PSMD14: variants seen among roughly 807,000 people sequenced by gnomAD.
PSMD14 encodes ubiquitin C-terminal hydrolase PSMD14.
PSMD14 carries 7 observed loss-of-function variants against 41.2 expected under a neutral mutation model. That is an observed-to-expected ratio of 0.17 (90% confidence interval 0.10 to 0.32). The LOEUF is 0.32. Among genes scored for constraint, PSMD14 ranks in the 10% least tolerant of loss-of-function variants. PSMD14 has a pLI of 1.00. For missense variants in PSMD14, 139 were observed against 375.6 expected, an observed-to-expected ratio of 0.37 and a Z score of 5.21; for synonymous variants, 114 against 122.3, an observed-to-expected ratio of 0.93 and a Z score of 0.45.
At chr2:161,369,407 C>A (rs1683402949) in intron 5 of PSMD14, among the ~76,000 whole-genome samples, 1 of 151,878 alleles carries the variant, frequency 6.6e-6, no homozygotes, top group Non-Finnish European at 1.5e-5. Flanking sequence ...AAGAAAAAAA[C>A]CGAAAACATT....
At chr2:161,365,699 T>C (rs1479732647) in intron 3 of PSMD14, among the ~76,000 whole-genome samples, 2 of 152,126 alleles carry the variant, frequency 1.3e-5, no homozygotes, top group African/African-American at 4.8e-5. Flanking sequence ...TAATTATATA[T>C]ATTGGTGGGG....
At chr2:161,345,686 C>G (rs530873389) in intron 3 of PSMD14, among the ~76,000 whole-genome samples, 1 of 151,768 alleles carries the variant, frequency 6.6e-6, no homozygotes, top group African/African-American at 2.4e-5. Flanking sequence ...TTCATGTGTC[C>G]GAAGGCCTGT....
chr2:161,346,069 CAG>C (rs1469931819), intron 3 of PSMD14, among the ~76,000 whole-genome samples: 3 of 151,878 alleles, frequency 2.0e-5, no homozygotes, highest in African/African-American at 7.3e-5. Context: ...TTTTAGAAGA[CAG>C]AGGGTTTTGC....
chr2:161,338,979 A>AT (rs920253471), intron 3 of PSMD14, among the ~76,000 whole-genome samples: 24 of 151,920 alleles, frequency 1.6e-4, no homozygotes, highest in African/African-American at 2.7e-4. Context: ...TTCATATTTC[A>AT]TTTTTTTTGC....
chr2:161,351,753 A>G (rs971287634), intron 3 of PSMD14, among the ~76,000 whole-genome samples: 3 of 152,152 alleles, frequency 2.0e-5, no homozygotes, highest in Non-Finnish European at 4.4e-5. Flanking sequence ...GTTCCGTGGT[A>G]TCATTACTGT....
intron 3 of PSMD14, among the ~76,000 whole-genome samples, chr2:161,347,590 G>A (rs2105245445): frequency 6.6e-6 from 1 of 152,314 alleles, no homozygotes; most frequent in Admixed American, 6.5e-5. Context: ...TTAACAGAAA[G>A]TACTATTCTT....
intron 3 of PSMD14, among the ~76,000 whole-genome samples, chr2:161,325,880 C>T (rs1187246955): frequency 2.0e-5 from 3 of 152,012 alleles, no homozygotes; most frequent in Non-Finnish European, 2.9e-5. Flanking sequence ...ATATAAGTGA[C>T]ATTAAAACAG....
intron 10 of PSMD14, among the ~76,000 whole-genome samples, chr2:161,403,970 A>G (rs547286380): frequency 1.3e-5 from 2 of 151,764 alleles, no homozygotes; most frequent in East Asian, 1.9e-4. Context: ...GCATGATACT[A>G]TCATAGCTCA....
At chr2:161,335,595 C>G (rs982642673) in intron 3 of PSMD14, among the ~76,000 whole-genome samples, 4 of 152,140 alleles carry the variant, frequency 2.6e-5, no homozygotes, top group African/African-American at 9.7e-5. Context: ...TTTTTTTAGA[C>G]AAACCATGAT....
intron 3 of PSMD14, among the ~76,000 whole-genome samples, chr2:161,356,145 C>T (rs575237034): frequency 1.3e-4 from 20 of 152,024 alleles, no homozygotes; most frequent in African/African-American, 4.6e-4. Flanking sequence ...AGGGTTAAGT[C>T]GACATGAAAG....
chr2:161,336,530 T>A (rs1351232439), intron 3 of PSMD14, among the ~76,000 whole-genome samples: 1 of 152,190 alleles, frequency 6.6e-6, no homozygotes, highest in African/African-American at 2.4e-5. Context: ...AAGTAAACTT[T>A]GCAACTTGAT....
chr2:161,319,915 TCGTTTA>T (rs1019771044), intron 3 of PSMD14, among the ~76,000 whole-genome samples: 2 of 152,204 alleles, frequency 1.3e-5, no homozygotes, highest in African/African-American at 4.8e-5. Flanking sequence ...CAGTTGTTTT[TCGTTTA>T]CTTTTGTTAG....
chr2:161,385,814 A>G (rs1683627757), intron 8 of PSMD14, among the ~76,000 whole-genome samples: 1 of 151,736 alleles, frequency 6.6e-6, no homozygotes, highest in Non-Finnish European at 1.5e-5. Flanking sequence ...GGAGCATAGT[A>G]GATCTTTTAT....
chr2:161,362,718 C>G (rs1274428956), intron 3 of PSMD14, among the ~76,000 whole-genome samples: 1 of 152,102 alleles, frequency 6.6e-6, no homozygotes, highest in Non-Finnish European at 1.5e-5. Flanking sequence ...CCAAAGTCAA[C>G]CTGTGTTGCA....
chr2:161,379,774 T>C (rs1683550969), intron 7 of PSMD14, among the ~76,000 whole-genome samples: 1 of 152,000 alleles, frequency 6.6e-6, no homozygotes, highest in South Asian at 2.1e-4. Context: ...TGAAGGTAGA[T>C]TGGGTAGAAG....
chr2:161,387,707 C>T (rs1313997875), intron 8 of PSMD14, among the ~76,000 whole-genome samples: 1 of 151,976 alleles, frequency 6.6e-6, no homozygotes, highest in Non-Finnish European at 1.5e-5. Flanking sequence ...AGGATATTAG[C>T]ATTGGTTACC....
chr2:161,342,176 T>C (rs536982097), intron 3 of PSMD14, among the ~76,000 whole-genome samples: 26 of 152,272 alleles, frequency 1.7e-4, no homozygotes, highest in African/African-American at 6.0e-4. Flanking sequence ...TTTAATAAAA[T>C]GTTAATAGAA....
At chr2:161,315,779 C>T (rs912940966) in intron 1 of PSMD14, among the ~76,000 whole-genome samples, 5 of 150,802 alleles carry the variant, frequency 3.3e-5, no homozygotes, top group Middle Eastern at 3.5e-3. Context: ...TTAACCTACA[C>T]AGTAATGACA....
At chr2:161,350,294 A>C (rs1862953) in intron 3 of PSMD14, among the ~76,000 whole-genome samples, 2 of 152,170 alleles carry the variant, frequency 1.3e-5, no homozygotes, top group African/African-American at 4.8e-5. Flanking sequence ...TCCCAAATAC[A>C]GCCTGGGATG....
Sources: gnomAD v4.1 joint callset for allele counts (sites outside exome capture counted in the v4.1 genomes callset) on GRCh38, gnomAD v4.1.1 for gene constraint, MANE v1.5 for transcripts, NCBI Gene and HGNC (gene_info 2026-07-23, HGNC 2026-07-21) for gene names.